Variants in SLC27A4 observed in about 807,000 individuals in gnomAD.
SLC27A4 encodes solute carrier family 27 member 4.
SLC27A4 carries 33 observed loss-of-function variants against 64.4 expected under a neutral mutation model. The observed-to-expected ratio is 0.51, with a 90% CI of 0.39 to 0.68. The LOEUF (loss-of-function observed/expected upper bound fraction) is 0.68, where lower values mean the gene tolerates loss of function less well. Ranked by LOEUF, SLC27A4 falls within the 30% of genes least tolerant of loss-of-function variation. SLC27A4 has a pLI of 0.00. For missense variants in SLC27A4, 824 were observed against 883.5 expected (o/e 0.93, Z 0.85); for synonymous variants, 377 against 370.0 (o/e 1.02, Z -0.22).
intron 2 of SLC27A4, among the ~76,000 whole-genome samples, chr9:128,344,907 CA>C (rs1404300059): frequency 6.6e-6 from 1 of 152,134 alleles, no homozygotes; most frequent in Non-Finnish European, 1.5e-5. Flanking sequence ...AAGCTTTGAG[CA>C]GGCCACGGCA....
At chr9:128,348,801 T>C (rs1021671815) in intron 4 of SLC27A4, 98 bp downstream of exon 4, 29 of 1,291,130 alleles carry the variant, frequency 2.2e-5, no homozygotes, top group Non-Finnish European at 3.0e-5. Flanking sequence ...AAACTTGCCA[T>C]GTGCCTGGAA....
chr9:128,341,681 C>G (rs1427157272), intron 1 of SLC27A4, among the ~76,000 whole-genome samples: 2 of 152,234 alleles, frequency 1.3e-5, no homozygotes, highest in African/African-American at 4.8e-5. Context: ...GCCCCTTTGA[C>G]TTGGCCTGGT....
intron 12 of SLC27A4, 98 bp downstream of exon 12, chr9:128,355,894 C>G: frequency 1.3e-6 from 2 of 1,534,186 alleles, no homozygotes; most frequent in Non-Finnish European, 8.9e-7. Flanking sequence ...TGCACACAGC[C>G]TGGCCGGGCA....
intron 3 of SLC27A4, among the ~76,000 whole-genome samples, chr9:128,346,899 G>T (rs1832665870): frequency 6.6e-6 from 1 of 151,960 alleles, no homozygotes; most frequent in Non-Finnish European, 1.5e-5. Context: ...CAGCTACTCG[G>T]GAGACTGAGG....
Position 128,353,634 on chromosome 9 carries a change from C to T in SLC27A4, c.1324+93C>T. 1 of 1,341,156 alleles carries T rather than the reference C, an allele frequency of 7.5e-7. No individual in the cohort carries two copies. The highest frequency in any genetic ancestry group is 1.0e-6 in the Non-Finnish European group (1 of 962,000). 83.1% of individuals were successfully genotyped at this position (1,341,156 alleles called of 1,614,324 possible). The stretch of plus-strand genomic sequence containing the variant: ...TGGGGAGCCTTGTTCTGACCAGTGG[C>T]CATCAGTTATCTCTGCTCTTAGGGT... On this transcript the variant is annotated intron_variant, in intron 9 of 12. Coordinates refer to ENST00000300456, the MANE Select transcript of SLC27A4 (RefSeq NM_005094.4). This position sits in a 1 kb window ranked among gnomAD's most constrained non-coding sequence, Gnocchi z 4.9.
At chr9:128,351,044 G>A (rs1832728005) in intron 6 of SLC27A4, among the ~76,000 whole-genome samples, 2 of 151,842 alleles carry the variant, frequency 1.3e-5, no homozygotes, top group Non-Finnish European at 2.9e-5. Flanking sequence ...AGTGAGCCAA[G>A]ATCGTGCCAC....
rs754973370 is a variant in SLC27A4, at chr9:128,352,610, C to T, written c.878-28C>T. On this transcript the variant is annotated intron_variant, in intron 6 of 12. Transcript: ENST00000300456. ...CCGGGGAGGGTCTTCATCTCGCTGACCCTCAGGGGCCATCCCTCTGCCTCC... is the reference window on the plus strand; with the variant it reads ...CCGGGGAGGGTCTTCATCTCGCTGATCCTCAGGGGCCATCCCTCTGCCTCC... 17 of 1,569,096 alleles carry T rather than the reference C, an allele frequency of 1.1e-5. No individual in the cohort carries two copies. The East Asian group carries it at 1.8e-4, about 17-fold the overall frequency.
chr9:128,354,982 G>A lies in SLC27A4; in HGVS notation c.1325-71G>A, dbSNP rs1832794475. 9.8e-6 allele frequency: 14 copies of A among 1,425,552 alleles called. No individual in the cohort carries two copies. In the South Asian group the frequency reaches 9.9e-5, roughly 10 times the overall value. The allele number at this position is 1,425,552 out of a possible 1,614,324, so 88.3% of individuals were successfully genotyped here. A position where few individuals can be genotyped will look rare whatever the true frequency, so the allele number is the denominator to read the frequency against. ...AAAAAAAAAAAAAAAAAAGACGCAG[G>A]GTACACCTGGTGACAGGACGGGTGG... On this transcript the variant is annotated intron_variant, in intron 9 of 12. Coordinates refer to ENST00000300456, the MANE Select transcript of SLC27A4 (RefSeq NM_005094.4).
chr9:128,348,406 C>T, intron 3 of SLC27A4, 139 bp from the exon 4 acceptor site: 1 of 1,022,096 alleles, frequency 9.8e-7, no homozygotes, highest in Non-Finnish European at 1.5e-6. Flanking sequence ...CCTGTCAACA[C>T]TGAAGGCCCA....
Position 128,360,600 on chromosome 9 carries a change from C to T in SLC27A4, c.*109C>T. On this transcript the variant is annotated 3_prime_UTR_variant, in exon 13 of 13. Coordinates refer to ENST00000300456, the MANE Select transcript of SLC27A4 (RefSeq NM_005094.4). The stretch of plus-strand genomic sequence containing the variant: ...CCAAAGCAAGCAGGGCCTGGCACCT[C>T]CATCCTGAGGTGCTGCCCCTCCATC... 8.4e-7 allele frequency: 1 copy of T among 1,194,260 alleles called. No individual in the cohort carries two copies. The highest frequency in any genetic ancestry group is 2.5e-5 in the East Asian group (1 of 40,268). The allele number at this position is 1,194,260 out of a possible 1,614,324, so 74.0% of individuals were successfully genotyped here. A position where few individuals can be genotyped will look rare whatever the true frequency, so the allele number is the denominator to read the frequency against.
intron 12 of SLC27A4, 81 bp from the exon 13 acceptor site, chr9:128,360,253 T>A: frequency 6.7e-7 from 1 of 1,500,514 alleles, no homozygotes; most frequent in Non-Finnish European, 9.3e-7. Flanking sequence ...CCCTGCTCCC[T>A]GCCTTCCTCA....
intron 12 of SLC27A4, among the ~76,000 whole-genome samples, chr9:128,358,139 G>T (rs1564404353): frequency 6.6e-6 from 1 of 152,224 alleles, no homozygotes; most frequent in Admixed American, 6.5e-5. Context: ...AGCAATTTAG[G>T]GGTTAAGTGC....
At position 128,360,445 on chromosome 9, in the gene SLC27A4, A is replaced by T. The variant is rs780283479; in HGVS notation, c.1886A>T (p.Asp629Val). 8.1e-6 allele frequency: 13 copies of T among 1,613,966 alleles called. No individual in the cohort carries two copies. The highest frequency in any genetic ancestry group is 1.1e-5 in the Non-Finnish European group (13 of 1,180,042). Residue 629 changes from aspartate (D) to valine (V), a missense_variant, in exon 13 of 13, where the codon GAC (aspartate) becomes GTC (valine). Physicochemically the swap from Asp to Val is radical, Grantham distance 152. Transcript: ENST00000300456. ...CAGAAGGGCCGCTACGTCCCGCTGG[A>T]CCAAGAGGCCTACAGCCGCATCCAG... ...DAQKGRYVPL[D>V]QEAYSRIQAG...
chr9:128,352,773 T>C, intron 7 of SLC27A4, 26 bp downstream of exon 7: 1 of 1,541,108 alleles, frequency 6.5e-7, no homozygotes. Context: ...AAGGGTGAGC[T>C]GTCCCTTTCC....
At chr9:128,342,404 A>G (rs772371167) in intron 1 of SLC27A4, 8 of 1,606,574 alleles carry the variant, frequency 5.0e-6, no homozygotes, top group Non-Finnish European at 3.4e-6. Flanking sequence ...TACATTCCAC[A>G]AGTATTGCCT....
In SLC27A4 at chr9:128,355,199, C is replaced by G; in HGVS notation, c.1462+9C>G. The G allele has an allele frequency of 6.2e-7, 1 of 1,613,124 alleles. No individual in the cohort carries two copies. The highest frequency in any genetic ancestry group is 8.5e-7 in the Non-Finnish European group (1 of 1,179,572). On this transcript the variant is annotated intron_variant, in intron 10 of 12. Transcript: ENST00000300456. The stretch of plus-strand genomic sequence containing the variant: ...CCAGGCCTACCTTACTGGTGGGTCC[C>G]CAGCCCTTCACAGCCCCTTCCTGAG...
chr9:128,342,167 TG>T, intron 1 of SLC27A4: 1 of 1,218,976 alleles, frequency 8.2e-7, no homozygotes, highest in African/African-American at 1.5e-5. Context: ...AACTCGGTGG[TG>T]GCCACTGCGC....
rs1211385897 is a variant in SLC27A4, at chr9:128,350,588, C to CT, written c.877+14dup. The CT allele has an allele frequency of 6.3e-7, 1 of 1,599,478 alleles. No individual in the cohort carries two copies. Among genetic ancestry groups the CT allele is most frequent in the East Asian group, 2.2e-5 (1 of 44,586 alleles). On this transcript the variant is annotated intron_variant, in intron 6 of 12. Coordinates refer to ENST00000300456, the MANE Select transcript of SLC27A4 (RefSeq NM_005094.4). ...TACCACTCAGCAGGTAACTCTAGGG[C>CT]TGTCACACAGCCTCCAGCACCTGCC...
At position 128,342,299 on chromosome 9, in the gene SLC27A4, T is replaced by C. The variant is rs547324342; in HGVS notation, c.-6-828T>C. The C allele has an allele frequency of 1.6e-4, 253 of 1,611,646 alleles. No individual in the cohort carries two copies. In the African/African-American group the frequency reaches 3.1e-3, roughly 20 times the overall value. On this transcript the variant is annotated intron_variant, in intron 1 of 12. Transcript: ENST00000300456. ...AAGTCGAAACTGAAGAAGACAGAGA[T>C]GCAAGAGAAAAATCCACTGCCTTCC...
Sources: gnomAD v4.1 joint callset for allele counts (sites outside exome capture counted in the v4.1 genomes callset) on GRCh38, gnomAD v4.1.1 for gene constraint, Gnocchi (gnomAD v3.1) non-coding constraint, MANE v1.5 for transcripts, NCBI Gene and HGNC (gene_info 2026-07-23, HGNC 2026-07-21) for gene names.